The following QTMAN variants were observed in gnomAD, a reference collection of about 807,000 sequenced individuals.
QTMAN encodes the protein queuosine-tRNA mannosyltransferase, also known as tRNA-queuosine alpha-mannosyltransferase.
the QTMAN span, among the ~76,000 whole-genome samples, chr2:144,261,425 G>T: frequency 3.9e-5 from 6 of 151,902 alleles, no homozygotes; most frequent in East Asian, 9.7e-4. Context: ...GCATGTCCTT[G>T]GTTTACACCT....
chr2:143,988,388 G>A, the QTMAN span, among the ~76,000 whole-genome samples: 33 of 152,210 alleles, frequency 2.2e-4, no homozygotes, highest in African/African-American at 7.7e-4. Flanking sequence ...TCTTTTTAGA[G>A]GATACCAATG....
At chr2:144,175,103 A>C in the QTMAN span, among the ~76,000 whole-genome samples, 16 of 152,186 alleles carry the variant, frequency 1.1e-4, no homozygotes, top group African/African-American at 3.6e-4. Flanking sequence ...GATACAATTT[A>C]AAACTGAACA....
chr2:144,280,049 C>T, the QTMAN span, among the ~76,000 whole-genome samples: 1 of 152,144 alleles, frequency 6.6e-6, no homozygotes, highest in Non-Finnish European at 1.5e-5. Context: ...CAAAACCTTA[C>T]TTTTTGGTAA....
chr2:144,102,852 C>T, the QTMAN span, among the ~76,000 whole-genome samples: 53 of 152,156 alleles, frequency 3.5e-4, no homozygotes, highest in African/African-American at 8.7e-4. Context: ...AAAATTTACC[C>T]GAAATACAAA....
chr2:143,938,447 A>G, the QTMAN span: 1 of 152,190 alleles, frequency 6.6e-6, no homozygotes, highest in African/African-American at 2.4e-5. Flanking sequence ...GATCACCCTG[A>G]GCCACCACGC....
chr2:144,002,809 T>C, the QTMAN span, among the ~76,000 whole-genome samples: 2 of 151,914 alleles, frequency 1.3e-5, no homozygotes, highest in African/African-American at 4.8e-5. Flanking sequence ...TTTGGTATAG[T>C]ATCAAAGAAG....
chr2:144,278,061 T>A, the QTMAN span, among the ~76,000 whole-genome samples: 1 of 152,164 alleles, frequency 6.6e-6, no homozygotes, highest in African/African-American at 2.4e-5. Context: ...ATGATTCTTC[T>A]GGGGCCAGCA....
At chr2:144,173,573 C>T in the QTMAN span, among the ~76,000 whole-genome samples, 3 of 152,284 alleles carry the variant, frequency 2.0e-5, no homozygotes, top group African/African-American at 7.2e-5. Context: ...CCCCAACTGA[C>T]CCTCAGTTAA....
At chr2:144,181,372 T>C in the QTMAN span, among the ~76,000 whole-genome samples, 2 of 152,222 alleles carry the variant, frequency 1.3e-5, no homozygotes, top group African/African-American at 2.4e-5. Flanking sequence ...ATTCAAATAC[T>C]AGTTTTTTAG....
chr2:143,944,989 C>G, the QTMAN span: 21 of 151,020 alleles, frequency 1.4e-4, no homozygotes, highest in African/African-American at 4.9e-4. Context: ...ATCTTAGCCA[C>G]TATGAAGCGT....
At chr2:144,106,248 C>A in the QTMAN span, among the ~76,000 whole-genome samples, 4 of 152,192 alleles carry the variant, frequency 2.6e-5, no homozygotes, top group East Asian at 7.7e-4. Flanking sequence ...CAAATTCACA[C>A]ATAACAATAT....
chr2:144,152,463 A>G, the QTMAN span, among the ~76,000 whole-genome samples: 4 of 152,230 alleles, frequency 2.6e-5, no homozygotes, highest in Non-Finnish European at 5.9e-5. Flanking sequence ...TATCTGGCAC[A>G]GTGCTTAATC....
chr2:144,255,882 T>C, the QTMAN span, among the ~76,000 whole-genome samples: 1 of 152,232 alleles, frequency 6.6e-6, no homozygotes, highest in East Asian at 1.9e-4. Flanking sequence ...TTGGTTCGTC[T>C]ATTGTAACAA....
the QTMAN span, among the ~76,000 whole-genome samples, chr2:144,332,816 C>G: frequency 5.9e-5 from 9 of 152,344 alleles, no homozygotes; most frequent in East Asian, 1.9e-4. Context: ...CCTGTCCGCC[C>G]TTTCAGCTTT....
chr2:144,266,593 T>A, the QTMAN span, among the ~76,000 whole-genome samples: 3 of 152,340 alleles, frequency 2.0e-5, no homozygotes, highest in Admixed American at 6.5e-5. Context: ...TCTAGCAATG[T>A]AAGTAAAGTG....
the QTMAN span, among the ~76,000 whole-genome samples, chr2:144,179,342 A>G: frequency 6.6e-6 from 1 of 152,206 alleles, no homozygotes; most frequent in East Asian, 1.9e-4. Flanking sequence ...TCCACATGTT[A>G]ATTGAAAATA....
the QTMAN span, chr2:143,945,332 C>T: frequency 2.6e-5 from 4 of 152,238 alleles, no homozygotes; most frequent in African/African-American, 9.6e-5. Flanking sequence ...TGTTCACTGG[C>T]TTCCCTGTAA....
the QTMAN span, among the ~76,000 whole-genome samples, chr2:144,001,971 T>A: frequency 2.0e-5 from 3 of 151,862 alleles, no homozygotes; most frequent in African/African-American, 7.3e-5. Flanking sequence ...AATTCCTGGG[T>A]GTATTCAAGA....
chr2:143,989,961 T>A, the QTMAN span, among the ~76,000 whole-genome samples: 1 of 152,198 alleles, frequency 6.6e-6, no homozygotes, highest in African/African-American at 2.4e-5. Context: ...CTCAACCCTG[T>A]GTGTTGCAAA....
Sources: allele counts gnomAD v4.1 joint callset (sites outside exome capture counted in the v4.1 genomes callset), GRCh38; gene constraint gnomAD v4.1.1; transcripts MANE v1.5; gene names NCBI Gene and HGNC (gene_info 2026-07-23, HGNC 2026-07-21).